FRYL: variants seen among roughly 807,000 people sequenced by gnomAD.
The protein encoded by FRYL is FRY like transcription coactivator, also known as protein furry homolog-like.
In FRYL, 150 loss-of-function variants were observed where a neutral mutation model predicts 351.2. The ratio of observed to expected loss-of-function variants is 0.43; its 90% CI spans 0.37 to 0.49. The LOEUF is 0.49. FRYL is among the 20% of genes least tolerant of loss of function. The pLI, the probability that FRYL is intolerant of heterozygous loss-of-function variation, is 0.00. For synonymous variants in FRYL, 1,153 were observed against 1,257.1 expected (o/e 0.92, Z 1.75); for missense variants, 3,036 against 3,619.3 (o/e 0.84, Z 4.13).
intron 2 of FRYL, among the ~76,000 whole-genome samples, chr4:48,695,919 T>G: frequency 6.6e-6 from 1 of 152,102 alleles, no homozygotes; most frequent in Middle Eastern, 3.2e-3. Flanking sequence ...AACAAATATA[T>G]GAAAAACAGC....
Position 48,535,687 on chromosome 4 carries a change from T to C in FRYL, c.6534A>G (p.Thr2178=). The C allele has an allele frequency of 6.3e-7, 1 of 1,589,728 alleles. No individual in the cohort carries two copies. Among genetic ancestry groups the C allele is most frequent in the Non-Finnish European group, 8.5e-7 (1 of 1,171,062 alleles). The change falls in exon 48 of 64, where the codon ACA becomes ACG. Residue 2178 remains threonine, a synonymous_variant. Coordinates refer to ENST00000358350, the MANE Select transcript of FRYL (RefSeq NM_015030.2). ...CAAGATAAGTCACAAGATTAAATGT[T>C]GTATCTGAGAAGGAGTCATGCAGGT... ...CRYLHDSFSD[T]TFNLVTYLAE...
chr4:48,615,860 T>G (rs1000056313), intron 7 of FRYL, among the ~76,000 whole-genome samples: 1 of 152,076 alleles, frequency 6.6e-6, no homozygotes, highest in African/African-American at 2.4e-5. Flanking sequence ...GTGGCACATA[T>G]ACACCATGGA....
At position 48,557,495 on chromosome 4, in the gene FRYL, G is replaced by T. The variant is rs371773039; in HGVS notation, c.4083C>A (p.Ala1361=). The T allele has an allele frequency of 6.2e-7, 1 of 1,614,050 alleles. No individual in the cohort carries two copies. The highest frequency in any genetic ancestry group is 8.5e-7 in the Non-Finnish European group (1 of 1,179,994). The change falls in exon 34 of 64, where the codon GCC becomes GCA. Residue 1361 remains alanine (A), a synonymous_variant. Transcript: ENST00000358350. ...TCAGATTGTTCAAAACCATTGCAGT[G>T]GCTTGTGGAGATCCCCATCCTTCTC... ...LRGEGWGSPQ[A]TAMVLNNLMY...
intron 47 of FRYL, among the ~76,000 whole-genome samples, chr4:48,539,394 T>C (rs555730200): frequency 6.6e-6 from 1 of 152,270 alleles, no homozygotes; most frequent in Admixed American, 6.5e-5. Context: ...CTCCACTCTT[T>C]GCCTCTCATC....
At chr4:48,624,679 G>T (rs1433578820) in intron 4 of FRYL, among the ~76,000 whole-genome samples, 1 of 152,210 alleles carries the variant, frequency 6.6e-6, no homozygotes. Context: ...AACTTTACAT[G>T]TCAACTGGAC....
chr4:48,688,923 CA>C lies in FRYL; in HGVS notation c.-203-4129del, dbSNP rs1765425842. Among the ~76,000 whole-genome samples, 7 of 152,204 alleles carry C rather than the reference CA, an allele frequency of 4.6e-5. No homozygotes were observed. In the South Asian group the frequency reaches 1.5e-3, roughly 32 times the overall value. On this transcript the variant is annotated intron_variant, in intron 2 of 63. Coordinates refer to ENST00000358350, the MANE Select transcript of FRYL (RefSeq NM_015030.2). ...AAGTGATCCACCCACCTCAGCCTCCCAAAGTGCTGGGATTACAGTGTGAGCT... is the reference window on the plus strand; with the variant it reads ...AAGTGATCCACCCACCTCAGCCTCCCAAGTGCTGGGATTACAGTGTGAGCT...
chr4:48,568,585 A>G (rs376347788), intron 27 of FRYL, among the ~76,000 whole-genome samples: 29 of 151,824 alleles, frequency 1.9e-4, no homozygotes, highest in East Asian at 9.7e-4. Context: ...TTTTTTTTTT[A>G]CTAGTTATGA....
chr4:48,702,455 CAAAAAAAAAAAAAAAAAAA>C (rs34675617), intron 2 of FRYL, among the ~76,000 whole-genome samples: 444 of 29,436 alleles, frequency 0.015, 8 homozygotes, highest in African/African-American at 0.054. Context: ...GACTCTGTCT[CAAAAAAAAAAAAAAAAAAA>C]AAAAAAAAAA....
intron 1 of FRYL, among the ~76,000 whole-genome samples, chr4:48,747,162 T>C (rs77359604): frequency 2.7e-5 from 4 of 150,400 alleles, no homozygotes; most frequent in South Asian, 2.1e-4. Context: ...ATTTCCCCTA[T>C]CCCCCCCCAA....
intron 1 of FRYL, among the ~76,000 whole-genome samples, chr4:48,749,647 C>G (rs1773047529): frequency 6.6e-6 from 1 of 152,104 alleles, no homozygotes; most frequent in African/African-American, 2.4e-5. Context: ...CTGGGATTCA[C>G]CCAGAAGCAG....
chr4:48,631,657 A>G (rs557976160), intron 4 of FRYL, among the ~76,000 whole-genome samples: 23 of 152,114 alleles, frequency 1.5e-4, no homozygotes, highest in South Asian at 4.1e-4. Flanking sequence ...ATTAACTATA[A>G]CGTGATATCA....
chr4:48,695,399 T>C (rs1766060018), intron 2 of FRYL, among the ~76,000 whole-genome samples: 1 of 152,158 alleles, frequency 6.6e-6, no homozygotes, highest in Admixed American at 6.5e-5. Flanking sequence ...AGGTAAGTTT[T>C]CCACGTATGA....
chr4:48,609,114 C>T (rs753330164), intron 8 of FRYL, 47 bp from the exon 9 acceptor site: 3 of 1,230,986 alleles, frequency 2.4e-6, no homozygotes, highest in Non-Finnish European at 2.4e-6. Flanking sequence ...AATTTTTCTA[C>T]AAACTCTCTT....
intron 41 of FRYL, among the ~76,000 whole-genome samples, chr4:48,547,211 C>T (rs566052296): frequency 6.6e-6 from 1 of 152,172 alleles, no homozygotes; most frequent in South Asian, 2.1e-4. Flanking sequence ...AATATAATCA[C>T]GAGAATAACA....
At position 48,624,587 on chromosome 4, in the gene FRYL, T is replaced by C. The variant is rs368480876; in HGVS notation, c.121-1408A>G. On this transcript the variant is annotated intron_variant, in intron 4 of 63. Coordinates refer to ENST00000358350, the MANE Select transcript of FRYL (RefSeq NM_015030.2). ...TGAAGAAATGGACTATGATGCTATC[T>C]TGCAATGGGTTGACAGAAAGTGGGA... Among the ~76,000 whole-genome samples, 7 of 152,186 alleles carry C rather than the reference T, an allele frequency of 4.6e-5. No individual in the cohort carries two copies. In the East Asian group the frequency reaches 9.6e-4, roughly 21 times the overall value.
At chr4:48,559,282 G>A (rs1324085133) in intron 33 of FRYL, among the ~76,000 whole-genome samples, 1 of 151,826 alleles carries the variant, frequency 6.6e-6, no homozygotes, top group Non-Finnish European at 1.5e-5. Context: ...AAGAGATCCT[G>A]ACTATGGAAG....
At chr4:48,718,113 A>G (rs1769070699) in intron 1 of FRYL, among the ~76,000 whole-genome samples, 1 of 151,570 alleles carries the variant, frequency 6.6e-6, no homozygotes, top group Non-Finnish European at 1.5e-5. Flanking sequence ...CTGGTACACC[A>G]TCTTATTTTT....
At chr4:48,532,446 T>C (rs1727871608) in intron 49 of FRYL, among the ~76,000 whole-genome samples, 1 of 152,196 alleles carries the variant, frequency 6.6e-6, no homozygotes, top group African/African-American at 2.4e-5. Flanking sequence ...CCACTTGAGG[T>C]CAGGAGTTTG....
intron 7 of FRYL, among the ~76,000 whole-genome samples, chr4:48,613,082 T>TA (rs1306883139): frequency 6.6e-6 from 1 of 152,234 alleles, no homozygotes; most frequent in Non-Finnish European, 1.5e-5. Context: ...CACATATACA[T>TA]AATGAACTAT....
Sources: allele counts gnomAD v4.1 joint callset (sites outside exome capture counted in the v4.1 genomes callset), GRCh38; gene constraint gnomAD v4.1.1; transcripts MANE v1.5; gene names NCBI Gene and HGNC (gene_info 2026-07-23, HGNC 2026-07-21).